Variants in RBM27 observed in about 807,000 individuals in gnomAD.
RBM27 encodes the protein RNA binding motif protein 27.
A neutral mutation model predicts 135.3 loss-of-function variants in RBM27; 22 were observed. The observed-to-expected ratio is 0.16, with a 90% CI of 0.12 to 0.23. The LOEUF (loss-of-function observed/expected upper bound fraction) is 0.23, where lower values mean the gene tolerates loss of function less well. Among genes scored for constraint, RBM27 ranks in the 10% least tolerant of loss-of-function variants. The pLI is 1.00. For missense variants in RBM27, 1,009 were observed against 1,281.0 expected, an observed-to-expected ratio of 0.79 and a Z score of 3.24; for synonymous variants, 481 against 442.4, an observed-to-expected ratio of 1.09 and a Z score of -1.10.
chr5:146,267,022 GCACTT>G (rs1371952232), intron 14 of RBM27, among the ~76,000 whole-genome samples: 5 of 152,118 alleles, frequency 3.3e-5, no homozygotes, highest in African/African-American at 1.2e-4. Context: ...TTTTTATTTG[GCACTT>G]CACTTACGAA....
chr5:146,227,907 A>G (rs1440474270), intron 3 of RBM27, among the ~76,000 whole-genome samples: 1 of 152,194 alleles, frequency 6.6e-6, no homozygotes, highest in Non-Finnish European at 1.5e-5. Context: ...TCATTGATTT[A>G]ACCATTTTTT....
intron 1 of RBM27, among the ~76,000 whole-genome samples, chr5:146,207,951 GTT>G (rs11401604): frequency 1.2e-5 from 1 of 81,206 alleles, no homozygotes; most frequent in South Asian, 5.1e-4. Flanking sequence ...GGCCTAACAG[GTT>G]TTTTTTTTTT....
chr5:146,256,342 A>G (rs1758101366), intron 10 of RBM27, among the ~76,000 whole-genome samples: 1 of 146,164 alleles, frequency 6.8e-6, no homozygotes, highest in Non-Finnish European at 1.5e-5. Flanking sequence ...ATTTTTATAT[A>G]TATTATTTAT....
chr5:146,239,851 C>T (rs1184872264), intron 8 of RBM27, among the ~76,000 whole-genome samples: 1 of 149,228 alleles, frequency 6.7e-6, no homozygotes. Flanking sequence ...CATCTTGGCT[C>T]ACTGCAGCCT....
Position 146,267,676 on chromosome 5 carries a change from A to T in RBM27, c.2359A>T (p.Met787Leu), listed in dbSNP as rs1276522249. 1 of 1,596,958 alleles carries T rather than the reference A, an allele frequency of 6.3e-7. No individual in the cohort carries two copies. Among genetic ancestry groups the T allele is most frequent in the South Asian group, 1.1e-5 (1 of 89,076 alleles). The change falls in exon 15 of 21, where the codon ATG becomes TTG. Residue 787 changes from methionine to leucine, a missense_variant. This residue lies in a region of RBM27 where 355 missense variants were observed against 427.3 expected (regional missense o/e 0.83). Coordinates refer to ENST00000265271, the MANE Select transcript of RBM27 (RefSeq NM_018989.2). ...QIFSTPGHPK[M>L]IYSSSNLKTP... Reference sequence around the variant, plus strand: ...ATTTTCAACTCCAGGCCATCCAAAAATGATTTACAGCTCCTCAAACTTAAA... The same window carrying T: ...ATTTTCAACTCCAGGCCATCCAAAATTGATTTACAGCTCCTCAAACTTAAA...
intron 1 of RBM27, among the ~76,000 whole-genome samples, chr5:146,211,124 A>T (rs1431232089): frequency 6.6e-6 from 1 of 151,842 alleles, no homozygotes; most frequent in Non-Finnish European, 1.5e-5. Context: ...AAATAAAAAA[A>T]ATAGCCTTAG....
In RBM27 at chr5:146,203,724, G is replaced by A. The variant is rs1220444246; in HGVS notation, c.-42G>A. 1 of 1,540,398 alleles carries A rather than the reference G, an allele frequency of 6.5e-7. No individual in the cohort carries two copies. Among genetic ancestry groups the A allele is most frequent in the South Asian group, 1.2e-5 (1 of 83,648 alleles). On this transcript the variant is annotated 5_prime_UTR_variant, in exon 1 of 21. Transcript: ENST00000265271. ...GGCGGCGTAGTGGAGACCCACGGCA[G>A]GCCTGAAGAAGAGCGGCGGCCGAGC...
In RBM27 at chr5:146,255,024, C is replaced by T. The variant is rs1282827235; in HGVS notation, c.1526C>T (p.Ser509Leu). Residue 509 changes from serine to leucine, a missense_variant, in exon 10 of 21, where the codon TCA becomes TTA. Ser to Leu is a moderately radical substitution (Grantham distance 145, BLOSUM62 -2). Coordinates refer to ENST00000265271, the MANE Select transcript of RBM27 (RefSeq NM_018989.2). ...SGRSQYRQFF[S>L]RTQTQRPNLI... Reference sequence around the variant, plus strand: ...AGATCTCAGTACAGACAGTTCTTTTCAAGAACTCAGACACAGCGTCCCAAT... The same window carrying T: ...AGATCTCAGTACAGACAGTTCTTTTTAAGAACTCAGACACAGCGTCCCAAT... The T allele has an allele frequency of 6.2e-7, 1 of 1,606,168 alleles. No individual in the cohort carries two copies.
intron 8 of RBM27, among the ~76,000 whole-genome samples, chr5:146,239,467 C>CTTTTTTTTTTTTTTTTTTTTTTTTTTTTT (rs368919868): frequency 7.6e-6 from 1 of 130,814 alleles, no homozygotes; most frequent in African/African-American, 3.0e-5. Flanking sequence ...TTTTTTTTTC[C>CTTTTTTTTTTTTTTTTTTTTTTTTTTTTT]TTTTCTTTTT....
intron 8 of RBM27, among the ~76,000 whole-genome samples, chr5:146,241,924 TA>T (rs1242101953): frequency 1.3e-5 from 2 of 152,154 alleles, no homozygotes; most frequent in Admixed American, 1.3e-4. Flanking sequence ...AATCTCAGAA[TA>T]AAAGATAATC....
At chr5:146,280,888 C>T (rs529151796) in intron 19 of RBM27, among the ~76,000 whole-genome samples, 4 of 152,116 alleles carry the variant, frequency 2.6e-5, no homozygotes, top group African/African-American at 9.6e-5. Context: ...GACAGAGTCT[C>T]GCTCTGTCAC....
rs1758898393 is a variant in RBM27 at position 146,272,215 on chromosome 5, A to G, written c.2988+541A>G. 2.0e-5 allele frequency among the ~76,000 whole-genome samples: 3 copies of G among 152,194 alleles called. 1 individual carries two copies. In the South Asian group the frequency reaches 6.2e-4, roughly 31 times the overall value. Reference sequence around the variant, plus strand: ...ACATTTTCATACATGATCTCATTTAATTTTAAATGACTGTATAAATGTGAA... The same window carrying G: ...ACATTTTCATACATGATCTCATTTAGTTTTAAATGACTGTATAAATGTGAA... On this transcript the variant is annotated intron_variant, in intron 19 of 20. Transcript: ENST00000265271.
At chr5:146,204,293 G>T (rs908441255) in intron 1 of RBM27, among the ~76,000 whole-genome samples, 2 of 152,164 alleles carry the variant, frequency 1.3e-5, no homozygotes, top group South Asian at 4.1e-4. Context: ...TTCGAAATAT[G>T]AGGGCAGAAG....
chr5:146,214,247 T>C (rs2126692859), intron 1 of RBM27, among the ~76,000 whole-genome samples: 1 of 152,338 alleles, frequency 6.6e-6, no homozygotes, highest in South Asian at 2.1e-4. Context: ...TAAAAGTCCC[T>C]TTTTGTCTAG....
rs1759671196 is a variant in RBM27 at position 146,288,513 on chromosome 5, C to T, written c.*2483C>T. On this transcript the variant is annotated 3_prime_UTR_variant, in exon 21 of 21. Coordinates refer to ENST00000265271, the MANE Select transcript of RBM27 (RefSeq NM_018989.2). ...TAAAATAGTTTATATATATCCCCTG[C>T]CCCCTTTGGGATTTACTTCCACCAT... is the stretch of plus-strand genomic sequence containing the variant. The T allele has an allele frequency of 6.6e-6, 1 of 152,068 alleles. No individual in the cohort carries two copies. Among genetic ancestry groups the T allele is most frequent in the Admixed American group, 6.5e-5 (1 of 15,270 alleles). 9.4% of individuals were successfully genotyped at this position (152,068 alleles called of 1,614,324 possible).
chr5:146,280,792 A>G (rs960533119), intron 19 of RBM27, among the ~76,000 whole-genome samples: 11 of 152,186 alleles, frequency 7.2e-5, no homozygotes, highest in South Asian at 4.1e-4. Flanking sequence ...AGGTGGTGCT[A>G]TGCCTTCTTG....
chr5:146,239,716 T>C (rs1033844533), intron 8 of RBM27, among the ~76,000 whole-genome samples: 9 of 151,768 alleles, frequency 5.9e-5, no homozygotes, highest in African/African-American at 2.2e-4. Flanking sequence ...CCTTAAGTGA[T>C]CTGGCTGCTT....
chr5:146,281,541 C>T (rs1759351465), intron 19 of RBM27, among the ~76,000 whole-genome samples: 1 of 152,088 alleles, frequency 6.6e-6, no homozygotes. Context: ...ACTAATGATA[C>T]CTGATGAACA....
chr5:146,283,729 C>A (rs376450040), intron 19 of RBM27, among the ~76,000 whole-genome samples: 26 of 152,204 alleles, frequency 1.7e-4, no homozygotes, highest in African/African-American at 6.0e-4. Context: ...TGAGTCTGCT[C>A]TAATGTACAT....
Sources: allele counts gnomAD v4.1 joint callset (sites outside exome capture counted in the v4.1 genomes callset), GRCh38; gene constraint gnomAD v4.1.1; regional missense constraint gnomAD v4.1.1; transcripts MANE v1.5; gene names NCBI Gene and HGNC (gene_info 2026-07-23, HGNC 2026-07-21).